Variants in BTBD9 observed in about 807,000 individuals in gnomAD.
The protein encoded by BTBD9 is BTB domain containing 9, also known as BTB/POZ domain-containing protein 9.
BTBD9 carries 49 observed loss-of-function variants against 64.3 expected under a neutral mutation model. The observed-to-expected ratio is 0.76, with a 90% CI of 0.61 to 0.97. The LOEUF (loss-of-function observed/expected upper bound fraction) is 0.97. BTBD9 is among the 50% of genes least tolerant of loss of function. BTBD9 has a pLI of 0.00. For missense variants in BTBD9, 598 were observed against 762.1 expected, an observed-to-expected ratio of 0.78 and a Z score of 2.53; for synonymous variants, 260 against 274.7, an observed-to-expected ratio of 0.95 and a Z score of 0.53.
chr6:38,516,442 G>A (rs535802766), intron 6 of BTBD9, among the ~76,000 whole-genome samples: 1 of 152,308 alleles, frequency 6.6e-6, no homozygotes, highest in African/African-American at 2.4e-5. Context: ...CAAAAATCTG[G>A]ATGGCACAAA....
At chr6:38,449,144 T>C (rs1769408252) in intron 6 of BTBD9, among the ~76,000 whole-genome samples, 1 of 152,094 alleles carries the variant, frequency 6.6e-6, no homozygotes, top group African/African-American at 2.4e-5. Context: ...AGGGCTCTCA[T>C]AAAAGAAAAA....
chr6:38,178,205 C>T (rs574651621), intron 10 of BTBD9, among the ~76,000 whole-genome samples: 88 of 150,856 alleles, frequency 5.8e-4, no homozygotes, highest in African/African-American at 2.0e-3. Context: ...AACTGTGTGG[C>T]GAAGATTCTA....
chr6:38,336,873 T>G, intron 7 of BTBD9, among the ~76,000 whole-genome samples: 1 of 152,208 alleles, frequency 6.6e-6, no homozygotes, highest in Admixed American at 6.5e-5. Context: ...AGGCAGAAAC[T>G]ACACCCATGT....
intron 1 of BTBD9, among the ~76,000 whole-genome samples, chr6:38,603,411 C>T (rs1777324602): frequency 6.6e-6 from 1 of 152,202 alleles, no homozygotes; most frequent in South Asian, 2.1e-4. Flanking sequence ...AAGAAACCAA[C>T]ACCCATTTGT....
At chr6:38,306,569 A>C (rs986270577) in intron 7 of BTBD9, among the ~76,000 whole-genome samples, 2 of 152,254 alleles carry the variant, frequency 1.3e-5, no homozygotes, top group African/African-American at 4.8e-5. Context: ...GGAACTGCAG[A>C]AAAAGTGATC....
intron 7 of BTBD9, among the ~76,000 whole-genome samples, chr6:38,326,072 G>A (rs1763416496): frequency 6.6e-6 from 1 of 152,088 alleles, no homozygotes; most frequent in South Asian, 2.1e-4. Context: ...GGGGTAGGGG[G>A]GGTCAGGGAA....
chr6:38,169,872 G>A lies in BTBD9; in HGVS notation c.*5113C>T, dbSNP rs926238739. On this transcript the variant is annotated 3_prime_UTR_variant, in exon 11 of 11. Transcript: ENST00000481247. Reference sequence around the variant, plus strand: ...ATGATTGTGAGTCTTCAGGCCATGAGGCCTCTTGGGGACTATTTCAGTTCT... The same window carrying A: ...ATGATTGTGAGTCTTCAGGCCATGAAGCCTCTTGGGGACTATTTCAGTTCT... 6.9e-6 allele frequency: 1 copy of A among 144,170 alleles called. No homozygotes were observed. Among genetic ancestry groups the A allele is most frequent in the Admixed American group, 7.1e-5 (1 of 14,078 alleles). The allele number at this position is 144,170 out of a possible 1,614,324, so 8.9% of individuals were successfully genotyped here. A position where few individuals can be genotyped will look rare whatever the true frequency, so the allele number is the denominator to read the frequency against.
Position 38,303,874 on chromosome 6 carries a change from T to TATACAC in BTBD9, c.1265-15414_1265-15413insGTGTAT, listed in dbSNP as rs368257334. ...ATATATATATATATATATATATATATACACACACACACATGTGTATATATA... is the reference window on the plus strand; with the variant it reads ...ATATATATATATATATATATATATATATACACACACACACACACATGTGTATATATA... On this transcript the variant is annotated intron_variant, in intron 7 of 10. Coordinates refer to ENST00000481247, the MANE Select transcript of BTBD9 (RefSeq NM_001099272.2). 2.8e-3 allele frequency among the ~76,000 whole-genome samples: 229 copies of TATACAC among 82,616 alleles called. 2 individuals are homozygous for TATACAC. The highest frequency in any genetic ancestry group is 8.3e-3 in the African/African-American group (173 of 20,846). The allele number at this position is 82,616 out of a possible 152,430, so 54.2% of individuals were successfully genotyped here.
rs534455509 is a variant in BTBD9 at position 38,579,919 on chromosome 6, T to C, written c.1034+299A>G. ...ATAATTGAAAAAAATGCTAGATACA[T>C]ATGAAGATTAATAATGGGTAATGAG... On this transcript the variant is annotated intron_variant, in intron 5 of 10. Coordinates refer to ENST00000481247, the MANE Select transcript of BTBD9 (RefSeq NM_001099272.2). Among the ~76,000 whole-genome samples the C allele has an allele frequency of 1.1e-4, 16 of 152,338 alleles. No homozygotes were observed. The East Asian group carries it at 2.7e-3, about 26-fold the overall frequency.
At chr6:38,626,742 C>A (rs1569852) in intron 1 of BTBD9, among the ~76,000 whole-genome samples, 4,251 of 152,290 alleles carry the variant, frequency 0.028, 83 homozygotes, top group Admixed American at 0.07. Context: ...CTCTTTGCTG[C>A]AATCAAGCCT....
At chr6:38,237,962 T>A (rs1255394249) in intron 9 of BTBD9, among the ~76,000 whole-genome samples, 1 of 151,480 alleles carries the variant, frequency 6.6e-6, no homozygotes, top group Non-Finnish European at 1.5e-5. Context: ...ATAAAGAGAG[T>A]CCCTGTCTCT....
At chr6:38,395,454 T>C (rs189970724) in intron 6 of BTBD9, among the ~76,000 whole-genome samples, 330 of 152,300 alleles carry the variant, frequency 2.2e-3, no homozygotes, top group African/African-American at 7.6e-3. Context: ...CCTTCTGTCA[T>C]GTGAGGCCAC....
chr6:38,592,114 C>T (rs1175862723), intron 4 of BTBD9, among the ~76,000 whole-genome samples: 1 of 149,606 alleles, frequency 6.7e-6, no homozygotes, highest in African/African-American at 2.5e-5. Flanking sequence ...ACCTGGGAGG[C>T]GAGGTTGCAG....
At chr6:38,517,984 A>G (rs1773112454) in intron 6 of BTBD9, among the ~76,000 whole-genome samples, 1 of 152,228 alleles carries the variant, frequency 6.6e-6, no homozygotes, top group Non-Finnish European at 1.5e-5. Flanking sequence ...GAAATTAAGA[A>G]GAAATCATTA....
chr6:38,343,306 T>C (rs1227569797), intron 7 of BTBD9, among the ~76,000 whole-genome samples: 1 of 152,198 alleles, frequency 6.6e-6, no homozygotes, highest in South Asian at 2.1e-4. Flanking sequence ...CTGAGTCTCA[T>C]GCCAGATAGG....
intron 6 of BTBD9, among the ~76,000 whole-genome samples, chr6:38,531,169 T>C (rs992450980): frequency 3.9e-5 from 6 of 152,158 alleles, no homozygotes; most frequent in African/African-American, 1.4e-4. Flanking sequence ...TGAACACATT[T>C]AATAATCAAA....
At chr6:38,476,470 TTTGAG>T (rs1410613660) in intron 6 of BTBD9, among the ~76,000 whole-genome samples, 1 of 152,282 alleles carries the variant, frequency 6.6e-6, no homozygotes, top group East Asian at 1.9e-4. Flanking sequence ...TAGGCTGTGA[TTTGAG>T]TTGACAGCTT....
intron 1 of BTBD9, among the ~76,000 whole-genome samples, chr6:38,626,009 C>A (rs1344776432): frequency 6.6e-6 from 1 of 152,322 alleles, no homozygotes; most frequent in South Asian, 2.1e-4. Flanking sequence ...AATCACCTAA[C>A]CCCAACTCTC....
chr6:38,355,004 C>T lies in BTBD9; in HGVS notation c.1155-9911G>A, dbSNP rs113869292. On this transcript the variant is annotated intron_variant, in intron 6 of 10. Transcript: ENST00000481247. ...TATAGATATGTATAATACACTATCC[C>T]AGGGACTGTCAAAGCTGGAAGTGCA... 2.0e-3 allele frequency among the ~76,000 whole-genome samples: 309 copies of T among 152,144 alleles called. 1 individual carries two copies. Among genetic ancestry groups the T allele is most frequent in the African/African-American group, 6.9e-3 (288 of 41,496 alleles).
Sources: gnomAD v4.1 joint callset for allele counts (sites outside exome capture counted in the v4.1 genomes callset) on GRCh38, gnomAD v4.1.1 for gene constraint, MANE v1.5 for transcripts, NCBI Gene and HGNC (gene_info 2026-07-23, HGNC 2026-07-21) for gene names.